Variants in SYK observed in about 807,000 individuals in gnomAD.
SYK encodes tyrosine-protein kinase SYK.
Under a neutral mutation model 77.8 loss-of-function variants are expected in SYK, and 16 were observed. The observed-to-expected ratio is 0.21, with a 90% CI of 0.14 to 0.31. The LOEUF (loss-of-function observed/expected upper bound fraction) is 0.31. Among genes scored for constraint, SYK ranks in the 10% least tolerant of loss-of-function variants. The probability of loss-of-function intolerance (pLI) is 1.00; values close to 1 mark genes in which losing one functional copy is unlikely to be tolerated. For missense variants in SYK, 529 were observed against 814.4 expected, an observed-to-expected ratio of 0.65 and a Z score of 4.26; for synonymous variants, 312 against 308.7, an observed-to-expected ratio of 1.01 and a Z score of -0.11.
At chr9:90,822,695 T>C (rs1415704433) in intron 1 of SYK, among the ~76,000 whole-genome samples, 1 of 152,134 alleles carries the variant, frequency 6.6e-6, no homozygotes, top group Non-Finnish European at 1.5e-5. Context: ...CCAGGTGATA[T>C]TGGGCACAGG....
chr9:90,875,235 C>CA lies in SYK; in HGVS notation c.1181+394dup, dbSNP rs200459011. ...GCAACATAGCAAGACCCTGTCTCTA[C>CA]AAAAAAAATAAATAAATAAATAAAT... On this transcript the variant is annotated intron_variant, in intron 9 of 13. Coordinates refer to ENST00000375754, the MANE Select transcript of SYK (RefSeq NM_003177.7). Among the ~76,000 whole-genome samples, 869 of 149,618 alleles carry CA rather than the reference C, an allele frequency of 5.8e-3. 8 individuals carry two copies. The highest frequency in any genetic ancestry group is 0.02 in the African/African-American group (824 of 40,646).
intron 3 of SYK, among the ~76,000 whole-genome samples, chr9:90,849,293 G>A (rs1826725416): frequency 6.6e-6 from 1 of 152,174 alleles, no homozygotes; most frequent in African/African-American, 2.4e-5. Flanking sequence ...TCATGCCTGA[G>A]CATCAGTCAG....
intron 11 of SYK, among the ~76,000 whole-genome samples, chr9:90,884,838 T>C (rs377337574): frequency 0.012 from 173 of 14,624 alleles, 39 homozygotes; most frequent in African/African-American, 0.093. Flanking sequence ...TGTGTGTATA[T>C]ACATATACAC....
intron 1 of SYK, among the ~76,000 whole-genome samples, chr9:90,807,071 G>A (rs1824867884): frequency 6.6e-6 from 1 of 152,204 alleles, no homozygotes; most frequent in African/African-American, 2.4e-5. Context: ...AGCAAGCAGG[G>A]ATAAATATCA....
chr9:90,893,829 G>A (rs564555063), intron 13 of SYK, among the ~76,000 whole-genome samples: 14 of 152,286 alleles, frequency 9.2e-5, no homozygotes, highest in African/African-American at 3.1e-4. Flanking sequence ...GAGGGGAGAG[G>A]AGGAGGGTCA....
intron 1 of SYK, among the ~76,000 whole-genome samples, chr9:90,817,780 T>C (rs909446414): frequency 2.6e-5 from 4 of 151,762 alleles, no homozygotes; most frequent in Non-Finnish European, 5.9e-5. Context: ...ATCTTTGAAA[T>C]AGATCATGGA....
chr9:90,816,481 CGTT>C (rs1825296809), intron 1 of SYK, among the ~76,000 whole-genome samples: 1 of 152,152 alleles, frequency 6.6e-6, no homozygotes, highest in South Asian at 2.1e-4. Context: ...TCTTCTGGCT[CGTT>C]GTGTTTCCAA....
chr9:90,873,397 G>A (rs561863730), intron 7 of SYK, among the ~76,000 whole-genome samples: 1 of 151,464 alleles, frequency 6.6e-6, no homozygotes, highest in African/African-American at 2.4e-5. Context: ...AAATTTAGTA[G>A]CAAGAATCTT....
chr9:90,863,681 A>G (rs1307245870), intron 4 of SYK, among the ~76,000 whole-genome samples: 1 of 152,202 alleles, frequency 6.6e-6, no homozygotes, highest in East Asian at 1.9e-4. Context: ...TCTACACTCA[A>G]AGCCCCAAAG....
intron 4 of SYK, among the ~76,000 whole-genome samples, chr9:90,864,143 C>T (rs573987522): frequency 1.3e-5 from 2 of 152,302 alleles, no homozygotes; most frequent in South Asian, 2.1e-4. Flanking sequence ...TGCTATTTCA[C>T]GGAGAGTTGG....
intron 7 of SYK, 49 bp downstream of exon 7, chr9:90,867,248 G>GC: frequency 6.3e-7 from 1 of 1,583,000 alleles, no homozygotes; most frequent in Middle Eastern, 1.7e-4. Flanking sequence ...TAGGACCAAC[G>GC]CGCACTCAGC....
In SYK at chr9:90,838,837, G is replaced by A. The variant is rs77999787; in HGVS notation, c.-41-5021G>A. Among the ~76,000 whole-genome samples the A allele has an allele frequency of 6.0e-3, 913 of 152,326 alleles. 10 individuals carry two copies. The highest frequency in any genetic ancestry group is 0.021 in the African/African-American group (881 of 41,556). ...GCCATGAGCTGTTCCTGTAGTCAGA[G>A]TTAAGCATTGTGAGTTGGCAAAAGC... is the stretch of plus-strand genomic sequence containing the variant. On this transcript the variant is annotated intron_variant, in intron 1 of 13. Coordinates refer to ENST00000375754, the MANE Select transcript of SYK (RefSeq NM_003177.7).
intron 7 of SYK, among the ~76,000 whole-genome samples, chr9:90,868,018 T>A (rs1191619823): frequency 1.3e-5 from 2 of 152,202 alleles, no homozygotes; most frequent in Admixed American, 1.3e-4. Flanking sequence ...TTTTAGCATA[T>A]AATTGAGCAT....
chr9:90,853,469 C>A (rs1826897419), intron 3 of SYK, among the ~76,000 whole-genome samples: 1 of 151,912 alleles, frequency 6.6e-6, no homozygotes, highest in East Asian at 1.9e-4. Flanking sequence ...TTGGAACCAA[C>A]CCAGATGTCC....
intron 11 of SYK, among the ~76,000 whole-genome samples, chr9:90,886,366 T>C (rs551913317): frequency 6.6e-6 from 1 of 152,238 alleles, no homozygotes; most frequent in Non-Finnish European, 1.5e-5. Flanking sequence ...TTTGTGGGAA[T>C]GTAAATTAGT....
intron 11 of SYK, among the ~76,000 whole-genome samples, chr9:90,880,334 G>T (rs902353250): frequency 2.0e-5 from 3 of 152,190 alleles, no homozygotes; most frequent in African/African-American, 7.2e-5. Flanking sequence ...GAGCACAAAG[G>T]CCAGGCGAGA....
At chr9:90,812,278 G>A (rs1379657947) in intron 1 of SYK, among the ~76,000 whole-genome samples, 1 of 152,194 alleles carries the variant, frequency 6.6e-6, no homozygotes, top group Non-Finnish European at 1.5e-5. Context: ...TGGGGGGAAA[G>A]GGTAAGTAGG....
intron 1 of SYK, among the ~76,000 whole-genome samples, chr9:90,839,337 A>T (rs1826206955): frequency 6.6e-6 from 1 of 152,188 alleles, no homozygotes; most frequent in Non-Finnish European, 1.5e-5. Context: ...ACAGGAAGTC[A>T]CATGGCCAGA....
intron 1 of SYK, among the ~76,000 whole-genome samples, chr9:90,836,087 G>A (rs1826073607): frequency 6.6e-6 from 1 of 152,062 alleles, no homozygotes; most frequent in African/African-American, 2.4e-5. Flanking sequence ...AGGAGATCGA[G>A]ATCATCCTGG....
Sources: allele counts gnomAD v4.1 joint callset (sites outside exome capture counted in the v4.1 genomes callset), GRCh38; gene constraint gnomAD v4.1.1; transcripts MANE v1.5; gene names NCBI Gene and HGNC (gene_info 2026-07-23, HGNC 2026-07-21).